USH2A: variants seen among roughly 807,000 people sequenced by gnomAD.
USH2A encodes Usher syndrome 2A (autosomal recessive, mild).
In USH2A, 443 loss-of-function variants were observed where a neutral mutation model predicts 538.9. The ratio of observed to expected loss-of-function variants is 0.82; its 90% CI spans 0.76 to 0.89. The LOEUF is 0.89. USH2A is among the 40% of genes least tolerant of loss of function. USH2A has a pLI of 0.00. For missense variants in USH2A, 6,633 were observed against 6,324.8 expected, an observed-to-expected ratio of 1.05 and a Z score of -1.65; for synonymous variants, 2,413 against 2,273.5, an observed-to-expected ratio of 1.06 and a Z score of -1.75.
At chr1:216,416,879 C>G (rs1451307418) in intron 3 of USH2A, among the ~76,000 whole-genome samples, 1 of 152,092 alleles carries the variant, frequency 6.6e-6, no homozygotes, top group African/African-American at 2.4e-5. Context: ...TATTTGGCAT[C>G]TTCTGCAAAG....
Position 216,023,459 on chromosome 1 carries a change from C to CAAAAAAAAAAAAAAAAAAAAAAA in USH2A, c.6326-22920_6326-22898dup. ...CCTCTTAAAAACTGTTCAAAGCAGA[C>CAAAAAAAAAAAAAAAAAAAAAAA]AAAAAAAAAAAAAAAAAAAAAAATC... On this transcript the variant is annotated intron_variant, in intron 32 of 71. Transcript: ENST00000307340. Among the ~76,000 whole-genome samples, 57 of 46,936 alleles carry CAAAAAAAAAAAAAAAAAAAAAAA rather than the reference C, an allele frequency of 1.2e-3. 1 individual carries two copies. Among genetic ancestry groups the CAAAAAAAAAAAAAAAAAAAAAAA allele is most frequent in the Non-Finnish European group, 1.6e-3 (43 of 26,614 alleles). 30.8% of individuals were successfully genotyped at this position (46,936 alleles called of 152,430 possible). A position where few individuals can be genotyped will look rare whatever the true frequency, so the allele number is the denominator to read the frequency against.
At chr1:215,654,885 T>C (rs541851895) in intron 64 of USH2A, among the ~76,000 whole-genome samples, 1 of 152,360 alleles carries the variant, frequency 6.6e-6, no homozygotes, top group South Asian at 2.1e-4. Flanking sequence ...CCCAAAGGAC[T>C]AATTATTGTA....
chr1:216,023,218 T>C (rs1273737109), intron 32 of USH2A, among the ~76,000 whole-genome samples: 1 of 151,986 alleles, frequency 6.6e-6, no homozygotes, highest in Non-Finnish European at 1.5e-5. Context: ...GTCATCTGTT[T>C]ACCTACATCC....
At chr1:216,053,387 T>C (rs1489767354) in intron 30 of USH2A, among the ~76,000 whole-genome samples, 1 of 152,068 alleles carries the variant, frequency 6.6e-6, no homozygotes, top group Non-Finnish European at 1.5e-5. Context: ...AAGTATATCC[T>C]GAAAGGGAGA....
In USH2A at chr1:215,790,040, G is replaced by A. The variant is rs900231714; in HGVS notation, c.10182+19C>T. On this transcript the variant is annotated intron_variant, in intron 51 of 71. Coordinates refer to ENST00000307340, the MANE Select transcript of USH2A (RefSeq NM_206933.4). ...TCCATTGTCAAATCAGCGCCTCCGAGAGCTTTTCTATCAATTACCTTCATC... is the reference window on the plus strand; with the variant it reads ...TCCATTGTCAAATCAGCGCCTCCGAAAGCTTTTCTATCAATTACCTTCATC... 3 of 1,609,300 alleles carry A rather than the reference G, an allele frequency of 1.9e-6. No homozygotes were observed. The highest frequency in any genetic ancestry group is 2.7e-5 in the African/African-American group (2 of 74,736).
chr1:216,302,642 T>A (rs1234048200), intron 9 of USH2A, among the ~76,000 whole-genome samples: 4 of 152,062 alleles, frequency 2.6e-5, no homozygotes, highest in African/African-American at 9.7e-5. Context: ...TAGGTGACAA[T>A]ACAATGACGA....
chr1:216,249,248 T>C (rs1309227090), intron 12 of USH2A, among the ~76,000 whole-genome samples: 1 of 152,066 alleles, frequency 6.6e-6, no homozygotes, highest in African/African-American at 2.4e-5. Context: ...CTTCACAAAA[T>C]ATATATTTAT....
At chr1:215,783,729 C>T (rs1661712814) in intron 52 of USH2A, among the ~76,000 whole-genome samples, 1 of 152,184 alleles carries the variant, frequency 6.6e-6, no homozygotes, top group South Asian at 2.1e-4. Context: ...TTCCATGTCT[C>T]TAATTTGATG....
rs372659177 is a variant in USH2A at position 215,998,860 on chromosome 1, C to T, written c.6657+27G>A. 15 of 1,606,678 alleles carry T rather than the reference C, an allele frequency of 9.3e-6. No homozygotes were observed. In the African/African-American group the frequency reaches 1.1e-4, roughly 12 times the overall value. Reference sequence around the variant, plus strand: ...GGAGAAGAAGTGGAAGGAATGGGGACAGAGAAAGTGATGGAAATAAACTTA... The same window carrying T: ...GGAGAAGAAGTGGAAGGAATGGGGATAGAGAAAGTGATGGAAATAAACTTA... On this transcript the variant is annotated intron_variant, in intron 34 of 71. Coordinates refer to ENST00000307340, the MANE Select transcript of USH2A (RefSeq NM_206933.4).
intron 61 of USH2A, among the ~76,000 whole-genome samples, chr1:215,693,230 C>T (rs1027609250): frequency 1.8e-4 from 27 of 151,712 alleles, no homozygotes; most frequent in African/African-American, 5.8e-4. Flanking sequence ...ATCCACCTGC[C>T]TTGGCCTCCC....
In USH2A at chr1:215,647,520, A is replaced by T. The variant is rs1553250050; in HGVS notation, c.14791+2T>A. 4 of 1,613,720 alleles carry T rather than the reference A, an allele frequency of 2.5e-6. No individual in the cohort carries two copies. The highest frequency in any genetic ancestry group is 2.5e-6 in the Non-Finnish European group (3 of 1,179,928). The stretch of plus-strand genomic sequence containing the variant: ...CTTATGGTAGCAGCCACTTATACTC[A>T]CATTCTTTTTGGGTGGTGAAACTGA... On this transcript the variant is annotated splice_donor_variant, in intron 67 of 71. Coordinates refer to ENST00000307340, the MANE Select transcript of USH2A (RefSeq NM_206933.4). LOFTEE classifies it high-confidence loss of function.
At chr1:216,060,110 G>A (rs577575140) in intron 30 of USH2A, among the ~76,000 whole-genome samples, 21 of 152,312 alleles carry the variant, frequency 1.4e-4, no homozygotes, top group Admixed American at 8.5e-4. Context: ...AAGCCTAGCA[G>A]GTGAAAGTAT....
At chr1:215,673,400 A>T (rs1017954047) in intron 63 of USH2A, among the ~76,000 whole-genome samples, 3 of 152,112 alleles carry the variant, frequency 2.0e-5, no homozygotes, top group Admixed American at 6.6e-5. Flanking sequence ...GTCTCTTATT[A>T]CCCTTCTCTC....
chr1:216,364,890 G>A, intron 4 of USH2A, 63 bp downstream of exon 4: 1 of 1,592,516 alleles, frequency 6.3e-7, no homozygotes, highest in Non-Finnish European at 8.6e-7. Flanking sequence ...TTATTTGTTT[G>A]ATGCATTTTT....
At chr1:216,398,283 T>A (rs1049310322) in intron 3 of USH2A, among the ~76,000 whole-genome samples, 1 of 151,992 alleles carries the variant, frequency 6.6e-6, no homozygotes, top group Non-Finnish European at 1.5e-5. Context: ...CTTTGCGAAG[T>A]AGGTAGAAGA....
intron 47 of USH2A, among the ~76,000 whole-genome samples, chr1:215,823,104 T>C (rs1427076745): frequency 1.3e-5 from 2 of 152,048 alleles, no homozygotes; most frequent in Non-Finnish European, 2.9e-5. Flanking sequence ...TAGAGTATTC[T>C]GGGTTTGTCT....
chr1:216,373,258 G>T (rs1312100832), intron 3 of USH2A, among the ~76,000 whole-genome samples: 3 of 152,144 alleles, frequency 2.0e-5, no homozygotes, highest in Non-Finnish European at 4.4e-5. Flanking sequence ...ATGAAAGGAG[G>T]CAATATAATA....
chr1:216,135,166 T>A (rs301740), intron 21 of USH2A, among the ~76,000 whole-genome samples: 38,563 of 87,240 alleles, frequency 0.44, 6,560 homozygotes, highest in East Asian at 0.71. Flanking sequence ...TCTCTCTCTC[T>A]CACACACACA....
At chr1:216,141,587 C>T (rs74141506) in intron 21 of USH2A, among the ~76,000 whole-genome samples, 5,258 of 152,208 alleles carry the variant, frequency 0.035, 275 homozygotes, top group African/African-American at 0.12. Context: ...AACATTTTGG[C>T]ATCAGCTACC....
Sources: gnomAD v4.1 joint callset for allele counts (sites outside exome capture counted in the v4.1 genomes callset) on GRCh38, gnomAD v4.1.1 for gene constraint, MANE v1.5 for transcripts, NCBI Gene and HGNC (gene_info 2026-07-23, HGNC 2026-07-21) for gene names.